The following FGD6 variants were observed in gnomAD, a reference collection of about 807,000 sequenced individuals.
FGD6 encodes the protein FYVE, RhoGEF and PH domain-containing protein 6.
Under a neutral mutation model 149.4 loss-of-function variants are expected in FGD6, and 90 were observed. The observed-to-expected ratio is 0.60, with a 90% CI of 0.51 to 0.72. The LOEUF is 0.72. Among genes scored for constraint, FGD6 ranks in the 30% least tolerant of loss-of-function variants. The pLI, the probability that FGD6 is intolerant of heterozygous loss-of-function variation, is 0.00. For missense variants in FGD6, 1,437 were observed against 1,684.8 expected (o/e 0.85, Z 2.57); for synonymous variants, 527 against 584.0 (o/e 0.90, Z 1.41).
intron 2 of FGD6, among the ~76,000 whole-genome samples, chr12:95,197,289 T>C (rs1881757285): frequency 6.6e-6 from 1 of 151,970 alleles, no homozygotes; most frequent in South Asian, 2.1e-4. Flanking sequence ...AATACAAAAA[T>C]TAGCCCAGTG....
In FGD6 at chr12:95,076,756, T is replaced by C. The variant is rs1185451713; in HGVS notation, c.*4764A>G. ...AAAATCACACCAACAAAATATATTA[T>C]AGTAAATTTATTTTGTATAAATACA... On this transcript the variant is annotated 3_prime_UTR_variant, in exon 21 of 21. Coordinates refer to ENST00000343958, the MANE Select transcript of FGD6 (RefSeq NM_018351.4). 1 of 152,174 alleles carries C rather than the reference T, an allele frequency of 6.6e-6. No individual in the cohort carries two copies. Among genetic ancestry groups the C allele is most frequent in the Admixed American group, 6.5e-5 (1 of 15,282 alleles). 9.4% of individuals were successfully genotyped at this position (152,174 alleles called of 1,614,324 possible).
chr12:95,121,122 AAAATG>A (rs1879171743), intron 8 of FGD6, among the ~76,000 whole-genome samples: 2 of 152,304 alleles, frequency 1.3e-5, no homozygotes, highest in East Asian at 3.9e-4. Flanking sequence ...TAAAATAAAT[AAAATG>A]AAATGAAAAG....
At chr12:95,134,065 G>A (rs966420332) in intron 8 of FGD6, among the ~76,000 whole-genome samples, 1 of 152,026 alleles carries the variant, frequency 6.6e-6, no homozygotes, top group African/African-American at 2.4e-5. Context: ...TAACTATCAG[G>A]ATAAGAATAC....
rs12819566 is a variant in FGD6 at position 95,106,867 on chromosome 12, C to A, written c.3417+87G>T. The A allele has an allele frequency of 5.1e-5, 56 of 1,102,890 alleles. No individual in the cohort carries two copies. The East Asian group carries it at 9.7e-4, about 19-fold the overall frequency. 68.3% of individuals were successfully genotyped at this position (1,102,890 alleles called of 1,614,324 possible). ...CAAGATTGTACCACTGCACTCCAGC[C>A]TGGGTGACAGAATGAGACCCCGTCT... On this transcript the variant is annotated intron_variant, in intron 13 of 20. Transcript: ENST00000343958.
At chr12:95,216,291 T>C (rs1433661701) in intron 1 of FGD6, among the ~76,000 whole-genome samples, 4 of 152,240 alleles carry the variant, frequency 2.6e-5, no homozygotes, top group African/African-American at 9.6e-5. Flanking sequence ...GATACTTAAG[T>C]GCTGATTCTG....
intron 14 of FGD6, among the ~76,000 whole-genome samples, chr12:95,103,494 G>A (rs757967918): frequency 3.9e-5 from 6 of 152,132 alleles, no homozygotes; most frequent in Non-Finnish European, 7.3e-5. Context: ...CCGGTCTGGG[G>A]CAAGGTGGTA....
chr12:95,198,115 T>A (rs1881776393), intron 2 of FGD6, among the ~76,000 whole-genome samples: 1 of 152,184 alleles, frequency 6.6e-6, no homozygotes, highest in South Asian at 2.1e-4. Flanking sequence ...GGTAGAAGAT[T>A]CACAGACCTC....
intron 3 of FGD6, among the ~76,000 whole-genome samples, chr12:95,167,005 C>T (rs1880838700): frequency 6.6e-6 from 1 of 151,820 alleles, no homozygotes; most frequent in Admixed American, 6.6e-5. Context: ...TACAGATGTG[C>T]ACCACCACAC....
chr12:95,114,231 G>A (rs1245174104), intron 8 of FGD6, among the ~76,000 whole-genome samples: 1 of 152,022 alleles, frequency 6.6e-6, no homozygotes, highest in African/African-American at 2.4e-5. Flanking sequence ...GCCCCCTAGG[G>A]TACATCTGGC....
intron 19 of FGD6, chr12:95,085,548 A>G: frequency 1.9e-6 from 1 of 519,968 alleles, no homozygotes; most frequent in Non-Finnish European, 3.3e-6. Context: ...CACGACACAC[A>G]CAAAAATTGC....
intron 2 of FGD6, among the ~76,000 whole-genome samples, chr12:95,176,113 GA>G (rs1565916403): frequency 1.3e-5 from 2 of 151,618 alleles, no homozygotes; most frequent in African/African-American, 4.8e-5. Flanking sequence ...TTATTTTTTT[GA>G]AAAAATAGAC....
At chr12:95,160,095 A>G (rs574882347) in intron 3 of FGD6, among the ~76,000 whole-genome samples, 1 of 152,064 alleles carries the variant, frequency 6.6e-6, no homozygotes, top group East Asian at 1.9e-4. Context: ...TTGTAACCCT[A>G]GCAATTTGGG....
At chr12:95,188,155 A>G (rs1429240344) in intron 2 of FGD6, among the ~76,000 whole-genome samples, 2 of 90,958 alleles carry the variant, frequency 2.2e-5, no homozygotes, top group African/African-American at 7.4e-5. Flanking sequence ...TGCAATATAA[A>G]GCAAAGAGTC....
intron 3 of FGD6, among the ~76,000 whole-genome samples, chr12:95,167,114 C>A (rs901833108): frequency 6.6e-6 from 1 of 152,134 alleles, no homozygotes; most frequent in African/African-American, 2.4e-5. Flanking sequence ...CTTGGCCTCG[C>A]AAAGTGCTGG....
chr12:95,118,436 G>C (rs912043841), intron 8 of FGD6, among the ~76,000 whole-genome samples: 2 of 151,624 alleles, frequency 1.3e-5, no homozygotes, highest in African/African-American at 4.8e-5. Context: ...TTCTGTATAA[G>C]GGTTCCCAGG....
intron 14 of FGD6, chr12:95,100,746 G>A (rs1001477486): frequency 3.9e-6 from 2 of 507,786 alleles, no homozygotes; most frequent in Admixed American, 4.3e-5. Flanking sequence ...ATCTTGCCTG[G>A]AGCAAGGATA....
chr12:95,170,559 T>C (rs1880962446), intron 3 of FGD6, among the ~76,000 whole-genome samples: 1 of 152,086 alleles, frequency 6.6e-6, no homozygotes, highest in African/African-American at 2.4e-5. Flanking sequence ...GGAGGATCAC[T>C]TGAACCCGGG....
intron 1 of FGD6, among the ~76,000 whole-genome samples, chr12:95,212,777 C>A (rs75963908): frequency 1.3e-5 from 2 of 152,100 alleles, no homozygotes; most frequent in East Asian, 3.9e-4. Flanking sequence ...AGTCACGACA[C>A]TTGGGAAGCT....
chr12:95,155,095 A>T lies in FGD6; in HGVS notation c.2587-2102T>A, dbSNP rs190500669. 4.4e-3 allele frequency among the ~76,000 whole-genome samples: 669 copies of T among 152,346 alleles called. 7 individuals are homozygous for T. The highest frequency in any genetic ancestry group is 0.015 in the African/African-American group (631 of 41,574). On this transcript the variant is annotated intron_variant, in intron 3 of 20. Transcript: ENST00000343958. ...AATTACATTTTAATAAATTAAAAAA[A>T]ATATGACTATATATGTTCCATACAT...
Sources: gnomAD v4.1 joint callset for allele counts (sites outside exome capture counted in the v4.1 genomes callset) on GRCh38, gnomAD v4.1.1 for gene constraint, MANE v1.5 for transcripts, NCBI Gene and HGNC (gene_info 2026-07-23, HGNC 2026-07-21) for gene names.